SBF2: variants seen among roughly 807,000 people sequenced by gnomAD.
SBF2 encodes SET binding factor 2.
Under a neutral mutation model 225.2 loss-of-function variants are expected in SBF2, and 112 were observed. The observed-to-expected ratio is 0.50, with a 90% CI of 0.43 to 0.58. The LOEUF is 0.58. Among genes scored for constraint, SBF2 ranks in the 20% least tolerant of loss-of-function variants. The probability of loss-of-function intolerance (pLI) is 0.00; values close to 1 mark genes in which losing one functional copy is unlikely to be tolerated. For missense variants in SBF2, 1,996 were observed against 2,206.2 expected, an observed-to-expected ratio of 0.90 and a Z score of 1.91; for synonymous variants, 763 against 773.3, an observed-to-expected ratio of 0.99 and a Z score of 0.22.
At chr11:10,285,119 G>C (rs1963663190) in intron 1 of SBF2, among the ~76,000 whole-genome samples, 1 of 152,044 alleles carries the variant, frequency 6.6e-6, no homozygotes, top group Admixed American at 6.6e-5. Flanking sequence ...ACACCAGCCT[G>C]GGTAACATGG....
intron 1 of SBF2, among the ~76,000 whole-genome samples, chr11:10,269,585 C>A (rs757295415): frequency 3.3e-5 from 5 of 152,170 alleles, no homozygotes; most frequent in Non-Finnish European, 7.3e-5. Context: ...TTTTACTTTA[C>A]ATGAAATAAC....
chr11:10,286,423 GATCTCGGCTCACTGCA>G (rs1352863298), intron 1 of SBF2, among the ~76,000 whole-genome samples: 1 of 39,862 alleles, frequency 2.5e-5, no homozygotes, highest in Non-Finnish European at 7.1e-5. Flanking sequence ...GGCTCACTGC[GATCTCGGCTCACTGCA>G]ATCTCTGCCT....
intron 1 of SBF2, among the ~76,000 whole-genome samples, chr11:10,248,887 A>C (rs1378552632): frequency 6.6e-6 from 1 of 152,204 alleles, no homozygotes; most frequent in Non-Finnish European, 1.5e-5. Flanking sequence ...CAAGGTCAGG[A>C]GATTGAGACC....
chr11:10,137,227 T>C (rs1335551644), intron 2 of SBF2, among the ~76,000 whole-genome samples: 1 of 152,230 alleles, frequency 6.6e-6, no homozygotes, highest in East Asian at 1.9e-4. Context: ...AAAAATACAA[T>C]TAGTTTTTGT....
chr11:9,943,793 T>G (rs1289984977), intron 16 of SBF2, among the ~76,000 whole-genome samples: 1 of 152,304 alleles, frequency 6.6e-6, no homozygotes, highest in South Asian at 2.1e-4. Context: ...GAGTATAAAT[T>G]TGTAATACCA....
chr11:9,805,133 C>G (rs1853727718), intron 32 of SBF2, among the ~76,000 whole-genome samples: 1 of 151,840 alleles, frequency 6.6e-6, no homozygotes, highest in African/African-American at 2.4e-5. Flanking sequence ...ATGGTCCCAG[C>G]TACTTGGGAG....
intron 21 of SBF2, 147 bp downstream of exon 21, chr11:9,852,529 A>C: frequency 1.4e-6 from 1 of 691,302 alleles, no homozygotes; most frequent in Non-Finnish European, 2.6e-6. Context: ...TCTATATGAC[A>C]CACTTCTCTG....
At chr11:9,800,978 G>C (rs576531990) in intron 32 of SBF2, among the ~76,000 whole-genome samples, 61 of 152,208 alleles carry the variant, frequency 4.0e-4, no homozygotes, top group Non-Finnish European at 6.6e-4. Context: ...TCAAAGAACA[G>C]CTTTTGGTTT....
At chr11:10,080,022 T>G (rs913423504) in intron 2 of SBF2, among the ~76,000 whole-genome samples, 1 of 151,266 alleles carries the variant, frequency 6.6e-6, no homozygotes, top group Admixed American at 6.6e-5. Context: ...CTGAGCAGGG[T>G]GGATCACCTG....
intron 2 of SBF2, among the ~76,000 whole-genome samples, chr11:10,068,633 C>A (rs1354355709): frequency 6.6e-6 from 1 of 151,996 alleles, no homozygotes; most frequent in Non-Finnish European, 1.5e-5. Context: ...ATTTTATGCA[C>A]CTAAAATGTT....
At position 9,839,555 on chromosome 11, in the gene SBF2, G is replaced by T; in HGVS notation, c.3398C>A (p.Ser1133Ter). The T allele has an allele frequency of 4.3e-6, 7 of 1,614,150 alleles. No homozygotes were observed. Among genetic ancestry groups the T allele is most frequent in the South Asian group, 1.1e-5 (1 of 91,068 alleles). Residue 1133 changes from serine (S) to a stop codon, truncating the protein, a stop_gained, in exon 26 of 40, where the codon TCA becomes TAA. Coordinates refer to ENST00000256190, the MANE Select transcript of SBF2 (RefSeq NM_030962.4). LOFTEE classifies it high-confidence loss of function. The part of the protein sequence containing the change: ...LGTISGSSSR[S>*]RPEYFRITAS... ...AGTAATTCTAAAATACTCGGGTCTT[G>T]AACGGGAAGAGCTGCCACTTATGGT...
rs1381116157 is a variant in SBF2, at chr11:10,022,003, C to G, written c.619+6449G>C. Among the ~76,000 whole-genome samples, 6 of 152,104 alleles carry G rather than the reference C, an allele frequency of 3.9e-5. No individual in the cohort carries two copies. In the East Asian group the frequency reaches 7.7e-4, roughly 20 times the overall value. ...GCAAAAGATAATGAAGCTGAAAATACTAGAGTAAAATAAAATAATAAAATT... is the reference window on the plus strand; with the variant it reads ...GCAAAAGATAATGAAGCTGAAAATAGTAGAGTAAAATAAAATAATAAAATT... On this transcript the variant is annotated intron_variant, in intron 6 of 39. Transcript: ENST00000256190.
intron 2 of SBF2, among the ~76,000 whole-genome samples, chr11:10,183,436 A>T (rs1956813660): frequency 6.6e-6 from 1 of 152,326 alleles, no homozygotes; most frequent in African/African-American, 2.4e-5. Context: ...GTTTTTCAGG[A>T]AATCCAGAGA....
At chr11:9,856,364 G>A in intron 19 of SBF2, 94 bp downstream of exon 19, 1 of 1,463,918 alleles carries the variant, frequency 6.8e-7, no homozygotes, top group Non-Finnish European at 9.6e-7. Context: ...AATATGTACA[G>A]CAGTATTTGC....
intron 15 of SBF2, among the ~76,000 whole-genome samples, chr11:9,962,852 T>C (rs1866667167): frequency 6.6e-6 from 1 of 152,176 alleles, no homozygotes; most frequent in Admixed American, 6.5e-5. Flanking sequence ...AGAAATAGGA[T>C]GTGAAAGTTG....
chr11:9,957,213 G>T (rs189479680), intron 16 of SBF2: 1 of 152,096 alleles, frequency 6.6e-6, no homozygotes, highest in Non-Finnish European at 1.5e-5. Context: ...GTAACATGTC[G>T]TCTGTTAACT....
At chr11:10,126,134 AT>A (rs1490489406) in intron 2 of SBF2, among the ~76,000 whole-genome samples, 3 of 152,078 alleles carry the variant, frequency 2.0e-5, no homozygotes, top group Admixed American at 2.0e-4. Flanking sequence ...TTTATATTTT[AT>A]TTTAAAATGT....
rs531553339 is a variant in SBF2, at chr11:9,789,100, T to C, written c.4932+9A>G. On this transcript the variant is annotated intron_variant, in intron 35 of 39. Coordinates refer to ENST00000256190, the MANE Select transcript of SBF2 (RefSeq NM_030962.4). ...GGTGCCCCTAGGTGTGTGTCTACAG[T>C]TGACTTACACTGAAAAGGCTGGTGA... 4 of 1,613,510 alleles carry C rather than the reference T, an allele frequency of 2.5e-6. No individual in the cohort carries two copies. In the South Asian group the frequency reaches 4.4e-5, roughly 18 times the overall value.
At chr11:9,885,276 A>AAAC (rs1860187814) in intron 17 of SBF2, among the ~76,000 whole-genome samples, 1 of 130,884 alleles carries the variant, frequency 7.6e-6, no homozygotes, top group African/African-American at 2.8e-5. Flanking sequence ...AAAAAAAAAA[A>AAAC]CCCCACCCCC....
Sources: allele counts gnomAD v4.1 joint callset (sites outside exome capture counted in the v4.1 genomes callset), GRCh38; gene constraint gnomAD v4.1.1; transcripts MANE v1.5; gene names NCBI Gene and HGNC (gene_info 2026-07-23, HGNC 2026-07-21).